Variants in RBFOX1 observed in about 807,000 individuals in gnomAD.
The protein encoded by RBFOX1 is RNA binding fox-1 homolog 1.
Under a neutral mutation model 57.7 loss-of-function variants are expected in RBFOX1, and 8 were observed. That is an observed-to-expected ratio of 0.14 (90% CI 0.08 to 0.25). The LOEUF (loss-of-function observed/expected upper bound fraction) is 0.25, where lower values mean the gene tolerates loss of function less well. Ranked by LOEUF, RBFOX1 falls within the 10% of genes least tolerant of loss-of-function variation. The pLI, the probability that RBFOX1 is intolerant of heterozygous loss-of-function variation, is 1.00. For missense variants in RBFOX1, 611 were observed against 548.5 expected (o/e 1.11, Z -1.14); for synonymous variants, 326 against 222.4 (o/e 1.47, Z -4.15).
chr16:5,793,622 C>G (rs548928071), intron 3 of RBFOX1, among the ~76,000 whole-genome samples: 1 of 152,288 alleles, frequency 6.6e-6, no homozygotes, highest in East Asian at 1.9e-4. Flanking sequence ...TACTCAAGAG[C>G]AGTGCTCACA....
At chr16:6,363,623 C>T (rs921271469) in intron 2 of RBFOX1, among the ~76,000 whole-genome samples, 7 of 152,220 alleles carry the variant, frequency 4.6e-5, no homozygotes, top group Non-Finnish European at 8.8e-5. Flanking sequence ...GACAGCACAA[C>T]AACAGACAGT....
intron 2 of RBFOX1, among the ~76,000 whole-genome samples, chr16:5,553,699 G>GTA (rs1446589690): frequency 6.5e-5 from 4 of 61,100 alleles, no homozygotes; most frequent in East Asian, 2.1e-4. Context: ...ACATATATAT[G>GTA]TATATATATG....
chr16:5,703,994 G>A (rs1217084228), intron 3 of RBFOX1, among the ~76,000 whole-genome samples: 1 of 152,040 alleles, frequency 6.6e-6, no homozygotes, highest in Non-Finnish European at 1.5e-5. Context: ...TTACATGGTC[G>A]CTCAGATCTG....
chr16:6,573,194 A>G (rs2097369739), intron 2 of RBFOX1, among the ~76,000 whole-genome samples: 1 of 152,166 alleles, frequency 6.6e-6, no homozygotes, highest in Non-Finnish European at 1.5e-5. Context: ...GAAGGGAAAC[A>G]GTGCCCTTTC....
intron 3 of RBFOX1, among the ~76,000 whole-genome samples, chr16:6,927,491 CT>C (rs1567920228): frequency 1.4e-5 from 2 of 145,950 alleles, no homozygotes; most frequent in Non-Finnish European, 3.0e-5. Flanking sequence ...AATGTTTCCT[CT>C]CTTTCTTTCC....
chr16:7,420,992 T>C (rs562070540), intron 4 of RBFOX1, among the ~76,000 whole-genome samples: 2 of 151,208 alleles, frequency 1.3e-5, no homozygotes, highest in East Asian at 3.9e-4. Flanking sequence ...TGCGCTTTCC[T>C]GAGGCTGTAC....
intron 1 of RBFOX1, among the ~76,000 whole-genome samples, chr16:6,087,712 G>A (rs1000642593): frequency 2.0e-5 from 3 of 151,434 alleles, no homozygotes; most frequent in Non-Finnish European, 4.4e-5. Context: ...GGGTGCCGTG[G>A]CGTGATCTCG....
intron 4 of RBFOX1, among the ~76,000 whole-genome samples, chr16:7,056,810 T>A (rs180799723): frequency 6.6e-6 from 1 of 152,192 alleles, no homozygotes; most frequent in Non-Finnish European, 1.5e-5. Flanking sequence ...GATTCTGTTC[T>A]GTGGATTCAA....
rs919239711 is a variant in RBFOX1 at position 6,241,179 on chromosome 16, A to C, written c.-126-75816A>C. Among the ~76,000 whole-genome samples the C allele has an allele frequency of 2.0e-5, 3 of 152,236 alleles. No homozygotes were observed. In the South Asian group the frequency reaches 6.2e-4, roughly 32 times the overall value. ...CCCCAACGCCCCTGCCAGAGATAAAAATAAGCGAAATATGCAAATTCCCGT... is the reference window on the plus strand; with the variant it reads ...CCCCAACGCCCCTGCCAGAGATAAACATAAGCGAAATATGCAAATTCCCGT... On this transcript the variant is annotated intron_variant, in intron 1 of 15. Coordinates refer to ENST00000550418, the MANE Select transcript of RBFOX1 (RefSeq NM_018723.4).
intron 4 of RBFOX1, among the ~76,000 whole-genome samples, chr16:7,062,122 C>A (rs1403488474): frequency 1.3e-5 from 2 of 151,728 alleles, no homozygotes; most frequent in Non-Finnish European, 2.9e-5. Flanking sequence ...TCGAGACTAT[C>A]CTGGCTAACA....
At chr16:5,717,711 C>T (rs994150031) in intron 3 of RBFOX1, among the ~76,000 whole-genome samples, 1 of 152,208 alleles carries the variant, frequency 6.6e-6, no homozygotes, top group Non-Finnish European at 1.5e-5. Context: ...ACAGCACTCT[C>T]TCTAATAATT....
chr16:5,360,509 G>A (rs112317478), intron 1 of RBFOX1, among the ~76,000 whole-genome samples: 7 of 152,162 alleles, frequency 4.6e-5, no homozygotes, highest in Non-Finnish European at 4.4e-5. Context: ...GCACCTTCCC[G>A]TTATACCAGT....
intron 1 of RBFOX1, among the ~76,000 whole-genome samples, chr16:5,390,344 A>G (rs1023533044): frequency 1.6e-4 from 24 of 149,342 alleles, no homozygotes; most frequent in African/African-American, 5.7e-4. Context: ...GCTGGAGTGC[A>G]ATGGCATGAT....
At chr16:7,069,992 C>T (rs757935886) in intron 4 of RBFOX1, among the ~76,000 whole-genome samples, 74 of 152,180 alleles carry the variant, frequency 4.9e-4, no homozygotes, top group Non-Finnish European at 9.4e-4. Context: ...GTTTTCTGAT[C>T]AGTGGATATT....
chr16:7,142,766 C>G (rs988696090), intron 4 of RBFOX1, among the ~76,000 whole-genome samples: 5 of 152,140 alleles, frequency 3.3e-5, no homozygotes, highest in South Asian at 4.1e-4. Context: ...ATGACATTCC[C>G]AATGCCTTAC....
chr16:6,468,551 C>T (rs755352686), intron 2 of RBFOX1, among the ~76,000 whole-genome samples: 4 of 151,564 alleles, frequency 2.6e-5, no homozygotes, highest in African/African-American at 7.3e-5. Flanking sequence ...CTGTTTTATT[C>T]AAAATTCTAA....
chr16:7,350,125 C>T (rs1039079189), intron 4 of RBFOX1, among the ~76,000 whole-genome samples: 3 of 151,710 alleles, frequency 2.0e-5, no homozygotes, highest in African/African-American at 4.8e-5. Flanking sequence ...CCAGCTTGGG[C>T]GACAGAGCCA....
chr16:6,825,530 C>A (rs72766767), intron 3 of RBFOX1, among the ~76,000 whole-genome samples: 1 of 152,100 alleles, frequency 6.6e-6, no homozygotes. Flanking sequence ...TTTGAACAGT[C>A]TTTTGATATT....
intron 3 of RBFOX1, among the ~76,000 whole-genome samples, chr16:6,985,709 C>T (rs938565994): frequency 4.0e-5 from 6 of 151,738 alleles, no homozygotes; most frequent in Admixed American, 6.6e-5. Flanking sequence ...TGTCAGGTGC[C>T]TATAATCTCA....
Sources: gnomAD v4.1 joint callset for allele counts (sites outside exome capture counted in the v4.1 genomes callset) on GRCh38, gnomAD v4.1.1 for gene constraint, MANE v1.5 for transcripts, NCBI Gene and HGNC (gene_info 2026-07-23, HGNC 2026-07-21) for gene names.